The following BRINP1 variants were observed in gnomAD, a reference collection of about 807,000 sequenced individuals.
The protein encoded by BRINP1 is BMP/retinoic acid-inducible neural-specific protein 1.
BRINP1 carries 17 observed loss-of-function variants against 72.9 expected under a neutral mutation model. The observed-to-expected ratio is 0.23, with a 90% CI of 0.16 to 0.35. BRINP1 has a LOEUF of 0.35. BRINP1 is among the 10% of genes least tolerant of loss of function. The pLI is 1.00. For synonymous variants in BRINP1, 418 were observed against 378.5 expected, an observed-to-expected ratio of 1.10 and a Z score of -1.21; for missense variants, 850 against 1,001.6, an observed-to-expected ratio of 0.85 and a Z score of 2.04.
chr9:119,296,943 T>A (rs1335813586), intron 2 of BRINP1, among the ~76,000 whole-genome samples: 1 of 152,208 alleles, frequency 6.6e-6, no homozygotes, highest in Admixed American at 6.5e-5. Context: ...AGAGCTAATA[T>A]ACAGCATGGT....
chr9:119,233,925 C>G (rs920118536), intron 5 of BRINP1, among the ~76,000 whole-genome samples: 1 of 152,168 alleles, frequency 6.6e-6, no homozygotes, highest in Non-Finnish European at 1.5e-5. Context: ...ACTTGTTTCA[C>G]TCAATGCTGT....
intron 1 of BRINP1, among the ~76,000 whole-genome samples, chr9:119,351,998 A>C (rs1402635757): frequency 4.0e-5 from 6 of 151,858 alleles, no homozygotes; most frequent in African/African-American, 1.5e-4. Context: ...GGGTTTCACC[A>C]TGTTGGCCAG....
intron 2 of BRINP1, among the ~76,000 whole-genome samples, chr9:119,271,087 C>G (rs928769357): frequency 1.1e-3 from 161 of 152,166 alleles, no homozygotes; most frequent in Non-Finnish European, 1.9e-3. Context: ...AGGTATTTCA[C>G]TAAAAGCTTC....
intron 1 of BRINP1, among the ~76,000 whole-genome samples, chr9:119,317,431 A>G (rs1011723313): frequency 5.3e-5 from 8 of 152,322 alleles, no homozygotes; most frequent in South Asian, 2.1e-4. Context: ...ATTTCATGAT[A>G]AAACTTGAAC....
chr9:119,243,653 A>G (rs1014379948), intron 3 of BRINP1, among the ~76,000 whole-genome samples: 8 of 152,334 alleles, frequency 5.3e-5, no homozygotes, highest in East Asian at 1.9e-4. Context: ...TGGTTGAACT[A>G]ATTTACGTTC....
At chr9:119,349,343 G>C (rs565380523) in intron 1 of BRINP1, among the ~76,000 whole-genome samples, 1 of 152,216 alleles carries the variant, frequency 6.6e-6, no homozygotes, top group Admixed American at 6.5e-5. Context: ...AAACATACTG[G>C]AAACAGATTT....
intron 2 of BRINP1, among the ~76,000 whole-genome samples, chr9:119,256,490 A>AT (rs1273857342): frequency 1.3e-5 from 2 of 152,174 alleles, no homozygotes; most frequent in East Asian, 3.8e-4. Flanking sequence ...ATTTTTTCGT[A>AT]TATGTGATGA....
At chr9:119,313,092 A>G in intron 2 of BRINP1, 46 bp downstream of exon 2, 2 of 1,585,186 alleles carry the variant, frequency 1.3e-6, no homozygotes, top group Non-Finnish European at 1.7e-6. Flanking sequence ...GACTCCACAA[A>G]GCATAATATG....
At chr9:119,222,933 T>C (rs1167625924) in intron 5 of BRINP1, among the ~76,000 whole-genome samples, 2 of 152,058 alleles carry the variant, frequency 1.3e-5, no homozygotes, top group South Asian at 2.1e-4. Context: ...GAAGTCATGA[T>C]ACAAACCAAA....
intron 1 of BRINP1, among the ~76,000 whole-genome samples, chr9:119,365,469 G>A (rs1210326955): frequency 2.0e-5 from 3 of 152,112 alleles, no homozygotes; most frequent in Non-Finnish European, 1.5e-5. Flanking sequence ...GGAAAAGACG[G>A]GTAGGGTATG....
chr9:119,177,996 G>A (rs188370616), intron 7 of BRINP1, among the ~76,000 whole-genome samples: 24 of 152,158 alleles, frequency 1.6e-4, no homozygotes, highest in Non-Finnish European at 3.1e-4. Context: ...GAGGGGAAAG[G>A]TGGAGAGTGG....
At chr9:119,359,068 G>T (rs1831602864) in intron 1 of BRINP1, among the ~76,000 whole-genome samples, 1 of 152,158 alleles carries the variant, frequency 6.6e-6, no homozygotes, top group Non-Finnish European at 1.5e-5. Context: ...ATATAAGAGG[G>T]GGTGGAAATC....
At chr9:119,206,447 A>T (rs1829856932) in intron 7 of BRINP1, among the ~76,000 whole-genome samples, 1 of 147,484 alleles carries the variant, frequency 6.8e-6, no homozygotes, top group African/African-American at 2.5e-5. Flanking sequence ...AAAAAGAGAG[A>T]GAGAGAGGAT....
At chr9:119,179,554 C>T (rs1198326875) in intron 7 of BRINP1, among the ~76,000 whole-genome samples, 1 of 152,114 alleles carries the variant, frequency 6.6e-6, no homozygotes, top group Non-Finnish European at 1.5e-5. Context: ...GACTTGGTTG[C>T]TGAGGTCAAA....
At chr9:119,349,221 T>A (rs1831479414) in intron 1 of BRINP1, among the ~76,000 whole-genome samples, 1 of 151,382 alleles carries the variant, frequency 6.6e-6, no homozygotes, top group South Asian at 2.1e-4. Flanking sequence ...TAAGGGAGAG[T>A]GTAAAAACCA....
intron 3 of BRINP1, among the ~76,000 whole-genome samples, chr9:119,242,846 A>G (rs1473376825): frequency 6.6e-6 from 1 of 152,222 alleles, no homozygotes; most frequent in African/African-American, 2.4e-5. Flanking sequence ...GCACACATAG[A>G]TCAGTAACAC....
At chr9:119,327,495 T>C (rs1001215860) in intron 1 of BRINP1, among the ~76,000 whole-genome samples, 3 of 152,190 alleles carry the variant, frequency 2.0e-5, no homozygotes, top group Non-Finnish European at 4.4e-5. Flanking sequence ...CAGGGAACCA[T>C]GGGAACCTTC....
intron 2 of BRINP1, among the ~76,000 whole-genome samples, chr9:119,289,768 T>C (rs1466275298): frequency 2.0e-5 from 3 of 152,200 alleles, no homozygotes; most frequent in Admixed American, 2.0e-4. Flanking sequence ...GGTTAATAAC[T>C]CATTGACCTA....
chr9:119,344,239 G>A (rs1831430631), intron 1 of BRINP1, among the ~76,000 whole-genome samples: 1 of 152,146 alleles, frequency 6.6e-6, no homozygotes, highest in Non-Finnish European at 1.5e-5. Context: ...AGAATTATTT[G>A]GGACAGTGCA....
Sources: gnomAD v4.1 joint callset for allele counts (sites outside exome capture counted in the v4.1 genomes callset) on GRCh38, gnomAD v4.1.1 for gene constraint, MANE v1.5 for transcripts, NCBI Gene and HGNC (gene_info 2026-07-23, HGNC 2026-07-21) for gene names.